ZNF385D: variants seen among roughly 807,000 people sequenced by gnomAD.
ZNF385D encodes zinc finger protein 659.
Under a neutral mutation model 35.8 loss-of-function variants are expected in ZNF385D, and 15 were observed. The ratio of observed to expected loss-of-function variants is 0.42; its 90% CI spans 0.28 to 0.64. The LOEUF (loss-of-function observed/expected upper bound fraction) is 0.64. Among genes scored for constraint, ZNF385D ranks in the 30% least tolerant of loss-of-function variants. The pLI, the probability that ZNF385D is intolerant of heterozygous loss-of-function variation, is 0.23. For missense variants in ZNF385D, 474 were observed against 494.6 expected (o/e 0.96, Z 0.39); for synonymous variants, 212 against 186.8 (o/e 1.13, Z -1.10).
At chr3:21,519,154 T>C (rs1206968021) in intron 3 of ZNF385D, among the ~76,000 whole-genome samples, 1 of 152,154 alleles carries the variant, frequency 6.6e-6, no homozygotes, top group African/African-American at 2.4e-5. Flanking sequence ...ACCACAGGAT[T>C]ACTGTGATTC....
chr3:21,466,163 G>C (rs953617651), intron 4 of ZNF385D, among the ~76,000 whole-genome samples: 36 of 152,080 alleles, frequency 2.4e-4, no homozygotes, highest in Admixed American at 2.3e-3. Context: ...ATAGGCAAAT[G>C]CATGATCAAT....
chr3:21,975,098 T>C (rs770142756), intron 3 of ZNF385D, among the ~76,000 whole-genome samples: 4 of 152,286 alleles, frequency 2.6e-5, no homozygotes, highest in East Asian at 1.9e-4. Flanking sequence ...AATCAGTATA[T>C]TGAAGAGATA....
chr3:21,794,437 G>A (rs1224595678), intron 3 of ZNF385D, among the ~76,000 whole-genome samples: 2 of 152,058 alleles, frequency 1.3e-5, no homozygotes, highest in African/African-American at 4.8e-5. Flanking sequence ...TTCTGAAACT[G>A]TTTAGGTTGC....
In ZNF385D at chr3:22,101,242, G is replaced by A. The variant is rs181251277; in HGVS notation, c.325+67575C>T. On this transcript the variant is annotated intron_variant, in intron 3 of 5. Transcript: ENST00000494108. ...TTCTCACAAAGTCATGAATGAAAAT[G>A]CTTACCTTGTGGGAAAGTACAAAAT... Among the ~76,000 whole-genome samples the A allele has an allele frequency of 5.3e-3, 801 of 152,174 alleles. 1 individual carries two copies. Among genetic ancestry groups the A allele is most frequent in the Non-Finnish European group, 8.6e-3 (584 of 67,982 alleles).
chr3:21,802,586 AT>A (rs2072455454), intron 3 of ZNF385D, among the ~76,000 whole-genome samples: 1 of 152,138 alleles, frequency 6.6e-6, no homozygotes, highest in South Asian at 2.1e-4. Flanking sequence ...TGTAAACTAT[AT>A]GTGCATATGT....
intron 3 of ZNF385D, among the ~76,000 whole-genome samples, chr3:21,899,082 G>C (rs1252452117): frequency 6.6e-6 from 1 of 152,098 alleles, no homozygotes; most frequent in Admixed American, 6.6e-5. Context: ...TTATTCCCCA[G>C]TTGGACATTT....
intron 4 of ZNF385D, among the ~76,000 whole-genome samples, chr3:21,496,251 A>AAT (rs550652305): frequency 0.011 from 1,661 of 147,092 alleles, 28 homozygotes; most frequent in African/African-American, 0.038. Context: ...AAAGTAAATA[A>AAT]ATATATATAT....
At chr3:22,191,505 A>AT (rs1696028274) in intron 2 of ZNF385D, among the ~76,000 whole-genome samples, 1 of 150,546 alleles carries the variant, frequency 6.6e-6, no homozygotes, top group Non-Finnish European at 1.5e-5. Flanking sequence ...AAAAAAAAAA[A>AT]GGACAATTTT....
At chr3:22,177,324 G>A (rs1376807328) in intron 2 of ZNF385D, among the ~76,000 whole-genome samples, 1 of 152,154 alleles carries the variant, frequency 6.6e-6, no homozygotes, top group Non-Finnish European at 1.5e-5. Context: ...ACTTAAGAAA[G>A]GTTTGCCCCA....
At chr3:21,780,458 T>G (rs951481355) in intron 3 of ZNF385D, among the ~76,000 whole-genome samples, 1 of 152,036 alleles carries the variant, frequency 6.6e-6, no homozygotes, top group African/African-American at 2.4e-5. Context: ...AATATCTTCC[T>G]TATGTGGATA....
At chr3:22,063,044 T>C (rs953875107) in intron 3 of ZNF385D, among the ~76,000 whole-genome samples, 2 of 152,150 alleles carry the variant, frequency 1.3e-5, no homozygotes, top group African/African-American at 4.8e-5. Context: ...TTTTTTTATT[T>C]AATCCATTAA....
chr3:22,257,517 TAATA>T (rs1321227610), intron 2 of ZNF385D, among the ~76,000 whole-genome samples: 1 of 151,804 alleles, frequency 6.6e-6, no homozygotes, highest in East Asian at 1.9e-4. Context: ...TATACTCTCA[TAATA>T]AATATAGGTT....
At chr3:22,365,507 G>T (rs1696616422) in intron 2 of ZNF385D, among the ~76,000 whole-genome samples, 1 of 151,730 alleles carries the variant, frequency 6.6e-6, no homozygotes, top group South Asian at 2.1e-4. Flanking sequence ...TTTTTTGTTT[G>T]CAAACAAACT....
chr3:22,040,091 CCTCTT>C (rs1698573442), intron 3 of ZNF385D, among the ~76,000 whole-genome samples: 1 of 152,168 alleles, frequency 6.6e-6, no homozygotes, highest in Non-Finnish European at 1.5e-5. Flanking sequence ...ACCTAACTCT[CCTCTT>C]CTTGAGTTTC....
At chr3:21,703,676 A>T (rs1273780621) in intron 1 of ZNF385D, among the ~76,000 whole-genome samples, 2 of 147,546 alleles carry the variant, frequency 1.4e-5, no homozygotes, top group Non-Finnish European at 3.0e-5. Context: ...AAAAAAAAAA[A>T]ATGGCATTCT....
At chr3:21,796,924 G>A (rs894654204) in intron 3 of ZNF385D, among the ~76,000 whole-genome samples, 1 of 152,142 alleles carries the variant, frequency 6.6e-6, no homozygotes, top group Non-Finnish European at 1.5e-5. Flanking sequence ...CCTGCTTCGG[G>A]ATCCTTCCCC....
At chr3:21,840,248 T>G (rs1695579745) in intron 3 of ZNF385D, among the ~76,000 whole-genome samples, 1 of 152,062 alleles carries the variant, frequency 6.6e-6, no homozygotes, top group Non-Finnish European at 1.5e-5. Context: ...TGGGGTAAGA[T>G]GTGGCTCACT....
chr3:21,730,316 G>A (rs1489170220), intron 1 of ZNF385D, among the ~76,000 whole-genome samples: 1 of 152,150 alleles, frequency 6.6e-6, no homozygotes, highest in Non-Finnish European at 1.5e-5. Context: ...TTCCCCAAAG[G>A]GGAAAAGACG....
At chr3:22,111,887 A>G (rs1263160091) in intron 3 of ZNF385D, among the ~76,000 whole-genome samples, 1 of 152,156 alleles carries the variant, frequency 6.6e-6, no homozygotes, top group African/African-American at 2.4e-5. Flanking sequence ...CAAACTACTG[A>G]GAAGTGAAAA....
Sources: gnomAD v4.1 joint callset for allele counts (sites outside exome capture counted in the v4.1 genomes callset) on GRCh38, gnomAD v4.1.1 for gene constraint, MANE v1.5 for transcripts, NCBI Gene and HGNC (gene_info 2026-07-23, HGNC 2026-07-21) for gene names.